Variants in NIM1K observed in about 807,000 individuals in gnomAD.
NIM1K encodes the protein serine/threonine-protein kinase NIM1.
In NIM1K, 35 loss-of-function variants were observed where a neutral mutation model predicts 37.1. The ratio of observed to expected loss-of-function variants is 0.94; its 90% CI spans 0.72 to 1.25. The LOEUF is 1.25. NIM1K is among the 50% of genes most tolerant of loss of function. The pLI, the probability that NIM1K is intolerant of heterozygous loss-of-function variation, is 0.00. For missense variants in NIM1K, 564 were observed against 548.0 expected (o/e 1.03, Z -0.29); for synonymous variants, 234 against 206.6 (o/e 1.13, Z -1.14).
chr5:43,259,374 C>T (rs541120182), intron 2 of NIM1K, among the ~76,000 whole-genome samples: 47 of 152,304 alleles, frequency 3.1e-4, no homozygotes, highest in Non-Finnish European at 5.6e-4. Context: ...TCCATAGAGG[C>T]TGTACTAATT....
intron 1 of NIM1K, among the ~76,000 whole-genome samples, chr5:43,196,134 C>G (rs1431348987): frequency 6.6e-6 from 1 of 152,132 alleles, no homozygotes; most frequent in Admixed American, 6.6e-5. Flanking sequence ...CCTGAACTAG[C>G]TGCTCATTAG....
intron 1 of NIM1K, among the ~76,000 whole-genome samples, chr5:43,219,632 C>T (rs187307667): frequency 1.3e-5 from 2 of 152,294 alleles, no homozygotes; most frequent in East Asian, 1.9e-4. Context: ...GTGTTACTTA[C>T]AGATTCCATA....
chr5:43,239,152 T>C (rs1370286978), intron 1 of NIM1K, among the ~76,000 whole-genome samples: 1 of 151,996 alleles, frequency 6.6e-6, no homozygotes, highest in Non-Finnish European at 1.5e-5. Flanking sequence ...GTCTGCAAAG[T>C]TGCTTATCAC....
chr5:43,236,464 C>A (rs1275662118), intron 1 of NIM1K, among the ~76,000 whole-genome samples: 1 of 151,912 alleles, frequency 6.6e-6, no homozygotes, highest in Non-Finnish European at 1.5e-5. Context: ...TAAAAAAAAA[C>A]TAAAAAATAA....
chr5:43,273,454 C>G (rs1753289235), intron 2 of NIM1K, among the ~76,000 whole-genome samples: 2 of 152,118 alleles, frequency 1.3e-5, no homozygotes, highest in South Asian at 4.1e-4. Flanking sequence ...TGTGATCCAC[C>G]CGCCTCGGCC....
At position 43,197,366 on chromosome 5, in the gene NIM1K, A is replaced by C. The variant is rs192544891; in HGVS notation, c.-695+4955A>C. 2.9e-3 allele frequency among the ~76,000 whole-genome samples: 441 copies of C among 151,096 alleles called. 2 individuals are homozygous for C. Among genetic ancestry groups the C allele is most frequent in the African/African-American group, 0.01 (429 of 41,112 alleles). On this transcript the variant is annotated intron_variant, in intron 1 of 3. Transcript: ENST00000326035. ...CTCTATGTTGCCCAGGCTGGTCTTG[A>C]ACTCCTGGCCTCAAGCCATCCTTCT...
In NIM1K at chr5:43,280,132, G is replaced by A. The variant is rs777432823; in HGVS notation, c.714G>A (p.Ala238=). 3.7e-6 allele frequency: 6 copies of A among 1,614,170 alleles called. No individual in the cohort carries two copies. The highest frequency in any genetic ancestry group is 3.4e-6 in the Non-Finnish European group (4 of 1,180,026). Residue 238 remains alanine, a synonymous_variant, in exon 4 of 4, where the codon GCG becomes GCA. Coordinates refer to ENST00000326035, the MANE Select transcript of NIM1K (RefSeq NM_153361.4). Reference sequence around the variant, plus strand: ...TCTGTGGGTCTCCTCCCTACGCTGCGCCTGAACTCTTCCGGGACGAGCACT... The same window carrying A: ...TCTGTGGGTCTCCTCCCTACGCTGCACCTGAACTCTTCCGGGACGAGCACT... ...NTFCGSPPYA[A]PELFRDEHYI...
At chr5:43,243,587 A>T (rs1336925832) in intron 1 of NIM1K, among the ~76,000 whole-genome samples, 2 of 151,976 alleles carry the variant, frequency 1.3e-5, no homozygotes, top group African/African-American at 4.8e-5. Flanking sequence ...GCACTTTGGG[A>T]GGTAGAGGTG....
chr5:43,235,671 G>T (rs571489650), intron 1 of NIM1K, among the ~76,000 whole-genome samples: 1 of 152,222 alleles, frequency 6.6e-6, no homozygotes, highest in Non-Finnish European at 1.5e-5. Flanking sequence ...CAGTAAGGAT[G>T]AATTAGATGG....
At chr5:43,256,575 C>G (rs1254659922) in intron 2 of NIM1K, among the ~76,000 whole-genome samples, 1 of 152,154 alleles carries the variant, frequency 6.6e-6, no homozygotes, top group African/African-American at 2.4e-5. Context: ...GAGTGCCTCC[C>G]CCATTCCCCC....
chr5:43,195,679 A>T (rs895218764), intron 1 of NIM1K, among the ~76,000 whole-genome samples: 1 of 146,826 alleles, frequency 6.8e-6, no homozygotes, highest in African/African-American at 2.5e-5. Flanking sequence ...AAAAAAAAAA[A>T]AGTGATTTCA....
At chr5:43,258,039 A>G (rs1752972724) in intron 2 of NIM1K, among the ~76,000 whole-genome samples, 1 of 152,170 alleles carries the variant, frequency 6.6e-6, no homozygotes, top group South Asian at 2.1e-4. Context: ...CACCACCAAC[A>G]TCAAGACACA....
intron 2 of NIM1K, among the ~76,000 whole-genome samples, chr5:43,261,460 T>G (rs894095733): frequency 9.2e-5 from 14 of 151,998 alleles, no homozygotes; most frequent in Non-Finnish European, 1.8e-4. Flanking sequence ...CGGTTGCTTG[T>G]TTTTTTTCTT....
At chr5:43,277,815 T>TGAGA (rs34538655) in intron 3 of NIM1K, among the ~76,000 whole-genome samples, 104 of 128,972 alleles carry the variant, frequency 8.1e-4, no homozygotes, top group Middle Eastern at 9.3e-3. Context: ...TGTGTGTGTG[T>TGAGA]GAGAGAGAGA....
rs768679371 is a variant in NIM1K at position 43,280,763 on chromosome 5, A to G, written c.*34A>G. On this transcript the variant is annotated 3_prime_UTR_variant, in exon 4 of 4. Transcript: ENST00000326035. ...AGACTGCTTGTAACTAACCAAGATG[A>G]TTGTTGCTGCTTCTAAATTTTTTTC... 6.7e-7 allele frequency: 1 copy of G among 1,502,358 alleles called. No individual in the cohort carries two copies. The highest frequency in any genetic ancestry group is 1.4e-5 in the South Asian group (1 of 69,782). 93.1% of individuals were successfully genotyped at this position (1,502,358 alleles called of 1,614,324 possible). A position where few individuals can be genotyped will look rare whatever the true frequency, so the allele number is the denominator to read the frequency against.
intron 1 of NIM1K, among the ~76,000 whole-genome samples, chr5:43,231,606 T>C (rs1010752085): frequency 3.3e-5 from 5 of 152,188 alleles, no homozygotes; most frequent in African/African-American, 1.2e-4. Flanking sequence ...TTAAAAAACA[T>C]TTATTATTAT....
intron 2 of NIM1K, among the ~76,000 whole-genome samples, chr5:43,257,119 A>G (rs559518886): frequency 2.0e-5 from 3 of 151,264 alleles, no homozygotes; most frequent in Middle Eastern, 3.4e-3. Context: ...GGCTAGGGAG[A>G]TGAACACAGC....
chr5:43,210,631 G>A (rs1049925209), intron 1 of NIM1K, among the ~76,000 whole-genome samples: 4 of 152,146 alleles, frequency 2.6e-5, no homozygotes, highest in African/African-American at 9.7e-5. Flanking sequence ...CAGGGGGAAT[G>A]TCATGCATTG....
chr5:43,258,167 T>A (rs1351641657), intron 2 of NIM1K, among the ~76,000 whole-genome samples: 2 of 152,206 alleles, frequency 1.3e-5, no homozygotes, highest in Non-Finnish European at 1.5e-5. Flanking sequence ...TGCTTTTGAC[T>A]GTTTTAAACT....
Sources: allele counts gnomAD v4.1 joint callset (sites outside exome capture counted in the v4.1 genomes callset), GRCh38; gene constraint gnomAD v4.1.1; transcripts MANE v1.5; gene names NCBI Gene and HGNC (gene_info 2026-07-23, HGNC 2026-07-21).